Variants in MAGI2 observed in about 807,000 individuals in gnomAD.
The protein encoded by MAGI2 is membrane associated guanylate kinase, WW and PDZ domain containing 2.
A neutral mutation model predicts 133.3 loss-of-function variants in MAGI2; 35 were observed. That is an observed-to-expected ratio of 0.26 (90% confidence interval 0.20 to 0.35). MAGI2 has a LOEUF of 0.35. MAGI2 is among the 10% of genes least tolerant of loss of function. The pLI, the probability that MAGI2 is intolerant of heterozygous loss-of-function variation, is 1.00. For missense variants in MAGI2, 1,636 were observed against 1,863.4 expected (o/e 0.88, Z 2.25); for synonymous variants, 729 against 710.6 (o/e 1.03, Z -0.41).
At chr7:78,176,378 C>G (rs141843677) in intron 14 of MAGI2, among the ~76,000 whole-genome samples, 1 of 152,068 alleles carries the variant, frequency 6.6e-6, no homozygotes, top group African/African-American at 2.4e-5. Flanking sequence ...CCCAGGAATT[C>G]GGAAATAAGT....
At chr7:79,267,470 G>A (rs913463514) in intron 1 of MAGI2, among the ~76,000 whole-genome samples, 3 of 152,184 alleles carry the variant, frequency 2.0e-5, no homozygotes, top group Non-Finnish European at 4.4e-5. Flanking sequence ...ACTAGAAAGA[G>A]AGGTAGAACA....
chr7:78,108,293 C>T (rs1818898603), intron 20 of MAGI2, among the ~76,000 whole-genome samples: 1 of 152,178 alleles, frequency 6.6e-6, no homozygotes, highest in Non-Finnish European at 1.5e-5. Context: ...CAAAGTCCCT[C>T]TTGTTACTGA....
chr7:79,179,537 C>T (rs13222070), intron 1 of MAGI2, among the ~76,000 whole-genome samples: 114,832 of 151,812 alleles, frequency 0.76, 45,106 homozygotes, highest in Non-Finnish European at 0.87. Context: ...ATTATAAGGT[C>T]ACTGTAATAA....
At chr7:78,618,011 C>T (rs117666297) in intron 3 of MAGI2, 1 of 151,934 alleles carries the variant, frequency 6.6e-6, no homozygotes, top group African/African-American at 2.4e-5. Flanking sequence ...AATTCAAATA[C>T]AAAAATGACT....
chr7:79,208,678 G>T (rs995891200), intron 1 of MAGI2, among the ~76,000 whole-genome samples: 4 of 151,792 alleles, frequency 2.6e-5, no homozygotes, highest in African/African-American at 9.7e-5. Context: ...CCAACCACTG[G>T]GTACATATCA....
chr7:78,995,225 T>C (rs1806170384), intron 2 of MAGI2, among the ~76,000 whole-genome samples: 1 of 151,988 alleles, frequency 6.6e-6, no homozygotes, highest in South Asian at 2.1e-4. Flanking sequence ...TACAAGTTTG[T>C]GTTGGGCTGC....
At chr7:78,431,810 A>G (rs1304693508) in intron 6 of MAGI2, among the ~76,000 whole-genome samples, 1 of 152,052 alleles carries the variant, frequency 6.6e-6, no homozygotes, top group Non-Finnish European at 1.5e-5. Flanking sequence ...TTTTTTTTCA[A>G]GGTGTCTCGT....
intron 1 of MAGI2, among the ~76,000 whole-genome samples, chr7:79,434,334 G>A (rs185665120): frequency 1.6e-4 from 24 of 152,232 alleles, no homozygotes; most frequent in African/African-American, 5.3e-4. Flanking sequence ...AGAAGGTATA[G>A]ATTACACACT....
chr7:78,074,031 A>G (rs1222016791), intron 21 of MAGI2, among the ~76,000 whole-genome samples: 1 of 152,126 alleles, frequency 6.6e-6, no homozygotes, highest in South Asian at 2.1e-4. Context: ...CAAGGACTTA[A>G]CTATGAAAGC....
At chr7:78,070,168 CACACACATATATATAT>C (rs1563079591) in intron 21 of MAGI2, among the ~76,000 whole-genome samples, 1 of 78,102 alleles carries the variant, frequency 1.3e-5, no homozygotes. Flanking sequence ...TATATACACA[CACACACATATATATAT>C]ATATATATAT....
chr7:79,038,359 T>C (rs1336176988), intron 1 of MAGI2, among the ~76,000 whole-genome samples: 1 of 152,164 alleles, frequency 6.6e-6, no homozygotes, highest in African/African-American at 2.4e-5. Context: ...TATGATGAGC[T>C]CATGGATTAC....
At chr7:78,130,948 C>T (rs575229587) in intron 18 of MAGI2, among the ~76,000 whole-genome samples, 1 of 152,312 alleles carries the variant, frequency 6.6e-6, no homozygotes, top group African/African-American at 2.4e-5. Flanking sequence ...AGCTGTTGTT[C>T]TCCCCTCAGA....
chr7:79,377,398 C>T (rs1009498730), intron 1 of MAGI2, among the ~76,000 whole-genome samples: 2 of 151,794 alleles, frequency 1.3e-5, no homozygotes, highest in East Asian at 1.9e-4. Context: ...GAGAGTTAGA[C>T]TCATTTTTAA....
intron 16 of MAGI2, among the ~76,000 whole-genome samples, chr7:78,153,680 T>C (rs1358456791): frequency 1.3e-5 from 2 of 152,214 alleles, no homozygotes; most frequent in Admixed American, 6.5e-5. Context: ...GCTTAGCTAA[T>C]GAAAAATATG....
chr7:78,781,277 G>T (rs1327523547), intron 2 of MAGI2, among the ~76,000 whole-genome samples: 3 of 151,536 alleles, frequency 2.0e-5, no homozygotes, highest in African/African-American at 7.3e-5. Context: ...TACTCGGGAG[G>T]CTGAGGCAGG....
At chr7:79,349,391 C>G (rs1841542097) in intron 1 of MAGI2, among the ~76,000 whole-genome samples, 1 of 151,962 alleles carries the variant, frequency 6.6e-6, no homozygotes. Context: ...AAGTATTCTA[C>G]TTCTTAGGAT....
chr7:78,129,789 G>A (rs1821363427), intron 18 of MAGI2, among the ~76,000 whole-genome samples: 1 of 152,002 alleles, frequency 6.6e-6, no homozygotes, highest in Non-Finnish European at 1.5e-5. Context: ...TACAAAATTA[G>A]CCGGGCGTGG....
intron 6 of MAGI2, among the ~76,000 whole-genome samples, chr7:78,444,120 G>T (rs753045542): frequency 6.6e-6 from 1 of 152,010 alleles, no homozygotes; most frequent in Non-Finnish European, 1.5e-5. Flanking sequence ...TCTGTTCAGG[G>T]TTGAGCTTTA....
chr7:78,522,781 T>A (rs1411338826), intron 3 of MAGI2, among the ~76,000 whole-genome samples: 1 of 152,218 alleles, frequency 6.6e-6, no homozygotes, highest in Non-Finnish European at 1.5e-5. Context: ...ATCAATCTTA[T>A]AGCACCAACT....
Sources: gnomAD v4.1 joint callset for allele counts (sites outside exome capture counted in the v4.1 genomes callset) on GRCh38, gnomAD v4.1.1 for gene constraint, MANE v1.5 for transcripts, NCBI Gene and HGNC (gene_info 2026-07-23, HGNC 2026-07-21) for gene names.